Variants in SH3KBP1 observed in about 807,000 individuals in gnomAD.
SH3KBP1 encodes the protein SH3 domain containing kinase binding protein 1.
SH3KBP1 carries 8 observed loss-of-function variants against 50.1 expected under a neutral mutation model. The observed-to-expected ratio is 0.16, with a 90% CI of 0.09 to 0.29. The LOEUF (loss-of-function observed/expected upper bound fraction) is 0.29, where lower values mean the gene tolerates loss of function less well. Ranked by LOEUF, SH3KBP1 falls within the 10% of genes least tolerant of loss-of-function variation. SH3KBP1 has a pLI of 1.00. For synonymous variants in SH3KBP1, 227 were observed against 218.6 expected, an observed-to-expected ratio of 1.04 and a Z score of -0.34; for missense variants, 377 against 535.2, an observed-to-expected ratio of 0.70 and a Z score of 2.92.
intron 6 of SH3KBP1, among the ~76,000 whole-genome samples, chrX:19,653,754 AT>A (rs1268570215): frequency 4.3e-5 from 4 of 93,407 alleles, no homozygotes; most frequent in East Asian, 3.7e-4. Flanking sequence ...ACATATATAT[AT>A]GTCTAAATAC....
At chrX:19,885,105 G>A (rs1280375820) in intron 1 of SH3KBP1, among the ~76,000 whole-genome samples, 1 of 110,815 alleles carries the variant, frequency 9.0e-6, no homozygotes, top group Non-Finnish European at 1.9e-5. Context: ...GCAACACAGC[G>A]AGACCCTCCC....
At chrX:19,579,757 C>A (rs186704693) in intron 12 of SH3KBP1, among the ~76,000 whole-genome samples, 20 of 111,823 alleles carry the variant, frequency 1.8e-4, no homozygotes, top group Admixed American at 6.6e-4. Context: ...CAAGGTACTT[C>A]CCCCCATGCC....
intron 2 of SH3KBP1, among the ~76,000 whole-genome samples, chrX:19,763,419 C>T (rs2065492136): frequency 8.9e-6 from 1 of 112,400 alleles, no homozygotes; most frequent in African/African-American, 3.2e-5. Flanking sequence ...TTTCCATATG[C>T]TTACCGTTAT....
chrX:19,781,599 C>G (rs1401767786), intron 2 of SH3KBP1, among the ~76,000 whole-genome samples: 1 of 103,679 alleles, frequency 9.6e-6, no homozygotes, highest in Non-Finnish European at 2.0e-5. Flanking sequence ...GTCTGGGTGA[C>G]AGAGTGGGAC....
At chrX:19,659,015 G>A (rs1208329927) in intron 6 of SH3KBP1, among the ~76,000 whole-genome samples, 1 of 108,892 alleles carries the variant, frequency 9.2e-6, no homozygotes, top group Non-Finnish European at 1.9e-5. Context: ...GAGTGCGGTG[G>A]TGCCATCATA....
intron 15 of SH3KBP1, among the ~76,000 whole-genome samples, chrX:19,543,524 C>T (rs1462570938): frequency 9.0e-6 from 1 of 111,231 alleles, no homozygotes; most frequent in East Asian, 2.8e-4. Context: ...GAAAGCTGCT[C>T]CTGGCAGATG....
At chrX:19,795,662 C>T (rs933129032) in intron 2 of SH3KBP1, among the ~76,000 whole-genome samples, 6 of 111,598 alleles carry the variant, frequency 5.4e-5, no homozygotes, top group African/African-American at 1.3e-4. Flanking sequence ...AGGCAAGCTA[C>T]GGACCTCCAA....
At chrX:19,645,311 G>A in intron 7 of SH3KBP1, 89 bp downstream of exon 7, 1 of 681,795 alleles carries the variant, frequency 1.5e-6, no homozygotes, top group Non-Finnish European at 2.3e-6. Flanking sequence ...AAGCTATCAA[G>A]GTTATATAGG....
intron 1 of SH3KBP1, among the ~76,000 whole-genome samples, chrX:19,852,658 T>A (rs5955852): frequency 0.025 from 2,047 of 82,917 alleles, 89 homozygotes; most frequent in African/African-American, 0.1. Context: ...AAAAAAAAAA[T>A]CCACGAACAT....
chrX:19,600,310 G>A (rs1196454370), intron 9 of SH3KBP1, among the ~76,000 whole-genome samples: 1 of 110,675 alleles, frequency 9.0e-6, no homozygotes, highest in Non-Finnish European at 1.9e-5. Flanking sequence ...CTTGAGCCCG[G>A]GAGGCAGAGG....
At chrX:19,570,908 G>A (rs1326332873) in intron 12 of SH3KBP1, among the ~76,000 whole-genome samples, 1 of 112,032 alleles carries the variant, frequency 8.9e-6, no homozygotes, top group East Asian at 2.8e-4. Context: ...AGTGAGCCGT[G>A]ATCGTGCCAC....
At chrX:19,858,574 G>A (rs1468508315) in intron 1 of SH3KBP1, among the ~76,000 whole-genome samples, 1 of 112,386 alleles carries the variant, frequency 8.9e-6, no homozygotes, top group East Asian at 2.8e-4. Flanking sequence ...GCTGCAGTGA[G>A]CCATGATCAT....
intron 1 of SH3KBP1, among the ~76,000 whole-genome samples, chrX:19,878,435 C>T (rs1277478818): frequency 9.7e-6 from 1 of 103,276 alleles, no homozygotes; most frequent in Non-Finnish European, 2.0e-5. Flanking sequence ...TCCTGAGTAG[C>T]TAGGACTACA....
chrX:19,692,203 G>C (rs1182043406), intron 5 of SH3KBP1, among the ~76,000 whole-genome samples: 1 of 111,328 alleles, frequency 9.0e-6, no homozygotes, highest in Non-Finnish European at 1.9e-5. Context: ...TACAATCGTT[G>C]CAATTCTTTC....
At chrX:19,813,160 A>AAAAGAAG (rs1556397299) in intron 2 of SH3KBP1, among the ~76,000 whole-genome samples, 1 of 104,532 alleles carries the variant, frequency 9.6e-6, no homozygotes, top group African/African-American at 3.7e-5. Flanking sequence ...AAACAAAAAA[A>AAAAGAAG]AAGAAGAAGA....
Position 19,641,536 on chromosome X carries a change from T to A in SH3KBP1, c.802+3864A>T, listed in dbSNP as rs1364952089. Reference sequence around the variant, plus strand: ...ACTGTTTTCCAAGCATAAAATTTCGTAAGCAAGTGTTTCAAACATGTTTTT... The same window carrying A: ...ACTGTTTTCCAAGCATAAAATTTCGAAAGCAAGTGTTTCAAACATGTTTTT... On this transcript the variant is annotated intron_variant, in intron 7 of 17. Coordinates refer to ENST00000397821, the MANE Select transcript of SH3KBP1 (RefSeq NM_031892.3). Among the ~76,000 whole-genome samples, 5 of 112,243 alleles carry A rather than the reference T, an allele frequency of 4.5e-5. No homozygotes were observed. The East Asian group carries it at 1.4e-3, about 31-fold the overall frequency.
At chrX:19,605,896 G>A (rs967364533) in intron 9 of SH3KBP1, among the ~76,000 whole-genome samples, 1 of 112,140 alleles carries the variant, frequency 8.9e-6, no homozygotes, top group Non-Finnish European at 1.9e-5. Context: ...CATTTTCTAA[G>A]TTGCTAGATT....
chrX:19,814,845 T>C (rs2067308238), intron 2 of SH3KBP1, among the ~76,000 whole-genome samples: 1 of 111,577 alleles, frequency 9.0e-6, no homozygotes, highest in South Asian at 3.7e-4. Context: ...ACTTCTCTCT[T>C]CCTCCATCCT....
intron 2 of SH3KBP1, among the ~76,000 whole-genome samples, chrX:19,796,028 G>T (rs2066701499): frequency 9.0e-6 from 1 of 111,719 alleles, no homozygotes; most frequent in Non-Finnish European, 1.9e-5. Context: ...AATCAGTTTA[G>T]AAGGTCCTGA....
Sources: gnomAD v4.1 joint callset for allele counts (sites outside exome capture counted in the v4.1 genomes callset) on GRCh38, gnomAD v4.1.1 for gene constraint, MANE v1.5 for transcripts, NCBI Gene and HGNC (gene_info 2026-07-23, HGNC 2026-07-21) for gene names.